Variants in DBH observed in about 807,000 individuals in gnomAD.
DBH encodes the protein dopamine beta-hydroxylase.
Under a neutral mutation model 64.0 loss-of-function variants are expected in DBH, and 49 were observed. The observed-to-expected ratio is 0.77, with a 90% CI of 0.61 to 0.97. DBH has a LOEUF of 0.97. Ranked by LOEUF, DBH falls within the 50% of genes least tolerant of loss-of-function variation. DBH has a pLI of 0.00. For synonymous variants in DBH, 343 were observed against 347.1 expected (o/e 0.99, Z 0.13); for missense variants, 828 against 826.6 (o/e 1.00, Z -0.02).
intron 7 of DBH, 72 bp from the exon 8 acceptor site, chr9:133,652,174 C>A: frequency 1.9e-6 from 3 of 1,576,330 alleles, no homozygotes; most frequent in Non-Finnish European, 2.6e-6. Context: ...AGGGAGGACA[C>A]AGTGGCCGGG....
Position 133,651,722 on chromosome 9 carries a change from A to G in DBH, c.1280A>G (p.Asp427Gly), listed in dbSNP as rs1192636070. Residue 427 changes from aspartate to glycine, a missense_variant, in exon 7 of 12, where the codon GAC becomes GGC. By Grantham distance (94) the Asp-to-Gly change is moderately conservative. Coordinates refer to ENST00000393056, the MANE Select transcript of DBH (RefSeq NM_000787.4). The stretch of plus-strand genomic sequence containing the variant: ...AAGGTGGTCACAGTGCTGGTCCGGG[A>G]CGGCCGGGAGTGGGAGATCGTGAAC... ...GRKVVTVLVR[D>G]GREWEIVNQD... 6.2e-7 allele frequency: 1 copy of G among 1,613,884 alleles called. No individual in the cohort carries two copies. Among genetic ancestry groups the G allele is most frequent in the Non-Finnish European group, 8.5e-7 (1 of 1,179,994 alleles).
rs1832368444 is a variant in DBH at position 133,658,627 on chromosome 9, A to G, written c.*180A>G. 3 of 702,150 alleles carry G rather than the reference A, an allele frequency of 4.3e-6. No individual in the cohort carries two copies. The highest frequency in any genetic ancestry group is 2.9e-5 in the East Asian group (1 of 34,548). 43.5% of individuals were successfully genotyped at this position (702,150 alleles called of 1,614,324 possible). A position where few individuals can be genotyped will look rare whatever the true frequency, so the allele number is the denominator to read the frequency against. ...GCCTTCTTCCCCCAGGGTCCCCTGC[A>G]TGGCTGAGAGGGTGTGGGTGCCCTG... On this transcript the variant is annotated 3_prime_UTR_variant, in exon 12 of 12. Transcript: ENST00000393056.
chr9:133,640,048 A>G, intron 2 of DBH, 56 bp downstream of exon 2: 1 of 1,598,288 alleles, frequency 6.3e-7, no homozygotes, highest in Non-Finnish European at 8.6e-7. Flanking sequence ...TCATGCTGCC[A>G]TCCTGTGCCA....
chr9:133,636,435 T>A lies in DBH; in HGVS notation c.64T>A (p.Tyr22Asn). 6.2e-7 allele frequency: 1 copy of A among 1,612,978 alleles called. No homozygotes were observed. The highest frequency in any genetic ancestry group is 2.2e-5 in the East Asian group (1 of 44,864). Residue 22 changes from tyrosine (Y) to asparagine (N), a missense_variant, in exon 1 of 12, where the codon TAC (tyrosine) becomes AAC (asparagine). Coordinates refer to ENST00000393056, the MANE Select transcript of DBH (RefSeq NM_000787.4). ...CAGCATGCGGGAGGCAGCCTTCATG[T>A]ACAGCACAGCAGTGGCCATCTTCCT... Reference protein sequence around the residue: ...GPSMREAAFMYSTAVAIFLVI... With the variant: ...GPSMREAAFMNSTAVAIFLVI...
At position 133,636,377 on chromosome 9, in the gene DBH, C is replaced by A. The variant is rs199920333; in HGVS notation, c.6C>A (p.Pro2=). The A allele has an allele frequency of 6.2e-7, 1 of 1,608,710 alleles. No individual in the cohort carries two copies. Residue 2 remains proline, a synonymous_variant, in exon 1 of 12, where the codon CCC becomes CCA. Coordinates refer to ENST00000393056, the MANE Select transcript of DBH (RefSeq NM_000787.4). Reference sequence around the variant, plus strand: ...CCAGAGAGCTCACCCCAGCCATGCCCGCCCTCAGTCGCTGGGCCAGCCTGC... The same window carrying A: ...CCAGAGAGCTCACCCCAGCCATGCCAGCCCTCAGTCGCTGGGCCAGCCTGC... The part of the protein sequence containing the change: M[P]ALSRWASLPG...
chr9:133,651,915 C>T, intron 7 of DBH, 138 bp downstream of exon 7: 1 of 895,464 alleles, frequency 1.1e-6, no homozygotes, highest in South Asian at 1.6e-5. Flanking sequence ...CCGCCCCCCA[C>T]CCATGTGGCC....
rs764986020 is a variant in DBH, at chr9:133,651,743, T to G, written c.1301T>G (p.Val434Gly). 6.2e-7 allele frequency: 1 copy of G among 1,613,192 alleles called. No homozygotes were observed. Among genetic ancestry groups the G allele is most frequent in the South Asian group, 1.1e-5 (1 of 90,986 alleles). Reference sequence around the variant, plus strand: ...CGGGACGGCCGGGAGTGGGAGATCGTGAACCAGGACAATCACTACAGCCCT... The same window carrying G: ...CGGGACGGCCGGGAGTGGGAGATCGGGAACCAGGACAATCACTACAGCCCT... ...LVRDGREWEIVNQDNHYSPHF... is the reference protein window; with the variant it reads ...LVRDGREWEIGNQDNHYSPHF... The change falls in exon 7 of 12, where the codon GTG becomes GGG. Residue 434 changes from valine (V) to glycine (G), a missense_variant. Val to Gly is a moderately radical substitution (Grantham distance 109, BLOSUM62 -3). Transcript: ENST00000393056.
chr9:133,658,244 G>T, intron 11 of DBH, 72 bp from the exon 12 acceptor site: 18 of 1,582,866 alleles, frequency 1.1e-5, no homozygotes, highest in Non-Finnish European at 1.6e-5. Context: ...AGGTGGCTGG[G>T]AAGTGGCTGG....
At position 133,658,375 on chromosome 9, in the gene DBH, A is replaced by C. The variant is rs1023167710; in HGVS notation, c.1782A>C (p.Pro594=). The C allele has an allele frequency of 1.2e-6, 2 of 1,613,618 alleles. No homozygotes were observed. Among genetic ancestry groups the C allele is most frequent in the African/African-American group, 1.3e-5 (1 of 74,860 alleles). Residue 594 remains proline, a synonymous_variant, in exon 12 of 12, where the codon CCA becomes CCC. Coordinates refer to ENST00000393056, the MANE Select transcript of DBH (RefSeq NM_000787.4). The part of the protein sequence containing the change: ...KVISTLEEPT[P]QCPTSQGRSP... ...TCTCCACACTGGAAGAGCCCACCCCACAGTGCCCCACCAGCCAGGGCCGAA... is the reference window on the plus strand; with the variant it reads ...TCTCCACACTGGAAGAGCCCACCCCCCAGTGCCCCACCAGCCAGGGCCGAA...
In DBH at chr9:133,658,380, G is replaced by T; in HGVS notation, c.1787G>T (p.Cys596Phe). 1 of 1,613,816 alleles carries T rather than the reference G, an allele frequency of 6.2e-7. No homozygotes were observed. The highest frequency in any genetic ancestry group is 8.5e-7 in the Non-Finnish European group (1 of 1,179,856). The change falls in exon 12 of 12, where the codon TGC (cysteine) becomes TTC (phenylalanine). Residue 596 changes from cysteine to phenylalanine, a missense_variant. By Grantham distance (205) the Cys-to-Phe change is radical (BLOSUM62 -2). Transcript: ENST00000393056. ...ISTLEEPTPQCPTSQGRSPAG... is the reference protein window; with the variant it reads ...ISTLEEPTPQFPTSQGRSPAG... Reference sequence around the variant, plus strand: ...ACACTGGAAGAGCCCACCCCACAGTGCCCCACCAGCCAGGGCCGAAGCCCT... The same window carrying T: ...ACACTGGAAGAGCCCACCCCACAGTTCCCCACCAGCCAGGGCCGAAGCCCT...
At chr9:133,646,318 C>T (rs1832180450) in intron 5 of DBH, among the ~76,000 whole-genome samples, 1 of 119,234 alleles carries the variant, frequency 8.4e-6, no homozygotes, top group Non-Finnish European at 1.8e-5. Flanking sequence ...CCCCTCCAGA[C>T]CACCCCGCCA....
chr9:133,653,804 C>T (rs760585048), intron 9 of DBH, among the ~76,000 whole-genome samples: 4 of 152,248 alleles, frequency 2.6e-5, no homozygotes, highest in Non-Finnish European at 4.4e-5. Context: ...AGCGGGGCTG[C>T]TTCCGGGAGC....
intron 5 of DBH, among the ~76,000 whole-genome samples, chr9:133,644,804 C>G (rs943915584): frequency 2.0e-5 from 3 of 152,148 alleles, no homozygotes; most frequent in Non-Finnish European, 4.4e-5. Context: ...GTTGGATCAC[C>G]CATACCTGAG....
In DBH at chr9:133,658,337, C is replaced by T. The variant is rs750330512; in HGVS notation, c.1744C>T (p.Leu582=). The T allele has an allele frequency of 1.9e-6, 3 of 1,613,952 alleles. No homozygotes were observed. In the South Asian group the frequency reaches 3.3e-5, roughly 18 times the overall value. Residue 582 remains leucine, a synonymous_variant, in exon 12 of 12, where the codon CTG becomes TTG. Coordinates refer to ENST00000393056, the MANE Select transcript of DBH (RefSeq NM_000787.4). ...RFQGEWNLQP[L]PKVISTLEEP... Reference sequence around the variant, plus strand: ...GCAGGGTGAATGGAACCTGCAGCCCCTGCCCAAGGTCATCTCCACACTGGA... The same window carrying T: ...GCAGGGTGAATGGAACCTGCAGCCCTTGCCCAAGGTCATCTCCACACTGGA...
Position 133,652,275 on chromosome 9 carries a change from G to C in DBH, c.1365G>C (p.Ser455=). The C allele has an allele frequency of 6.2e-7, 1 of 1,613,504 alleles. No homozygotes were observed. The highest frequency in any genetic ancestry group is 8.5e-7 in the Non-Finnish European group (1 of 1,180,032). The stretch of plus-strand genomic sequence containing the variant: ...TCCGCATGTTGAAGAAGGTCGTGTC[G>C]GTCCATCCGGTGAGTGCCCAGCGGG... ...QEIRMLKKVV[S]VHPGDVLITS... The change falls in exon 8 of 12, where the codon TCG becomes TCC. Residue 455 remains serine, a synonymous_variant. Coordinates refer to ENST00000393056, the MANE Select transcript of DBH (RefSeq NM_000787.4).
rs147292866 is a variant in DBH, at chr9:133,658,398, G to A, written c.1805G>A (p.Arg602Gln). Reference sequence around the variant, plus strand: ...CCACAGTGCCCCACCAGCCAGGGCCGAAGCCCTGCTGGCCCCACCGTTGTC... The same window carrying A: ...CCACAGTGCCCCACCAGCCAGGGCCAAAGCCCTGCTGGCCCCACCGTTGTC... ...PTPQCPTSQG[R>Q]SPAGPTVVSI... Residue 602 changes from arginine to glutamine, a missense_variant, in exon 12 of 12, where the codon CGA (arginine) becomes CAA (glutamine). Transcript: ENST00000393056. The A allele has an allele frequency of 2.8e-5, 45 of 1,613,564 alleles. No individual in the cohort carries two copies. Among genetic ancestry groups the A allele is most frequent in the African/African-American group, 6.7e-5 (5 of 74,896 alleles).
chr9:133,642,064 G>T (rs1832122050), intron 2 of DBH, 143 bp from the exon 3 acceptor site: 2 of 1,183,836 alleles, frequency 1.7e-6, no homozygotes, highest in African/African-American at 1.5e-5. Context: ...GGCCATGCAA[G>T]CCTCAAGGGT....
In DBH at chr9:133,643,916, G is replaced by A; in HGVS notation, c.922-302G>A. 6.6e-6 allele frequency among the ~76,000 whole-genome samples: 1 copy of A among 152,136 alleles called. No individual in the cohort carries two copies. The highest frequency in any genetic ancestry group is 1.5e-5 in the Non-Finnish European group (1 of 68,004). ...GGCTGGCGGTGGGGCCAGTGTTGAG[G>A]CCTCCACAGGCTGAGACGATGGGGG... On this transcript the variant is annotated intron_variant, in intron 4 of 11. Coordinates refer to ENST00000393056, the MANE Select transcript of DBH (RefSeq NM_000787.4). The surrounding 1 kb of genome is among the most constrained non-coding windows in gnomAD (Gnocchi z 5.3).
intron 9 of DBH, 98 bp from the exon 10 acceptor site, chr9:133,656,425 C>A: frequency 1.9e-6 from 3 of 1,539,054 alleles, no homozygotes; most frequent in Non-Finnish European, 2.7e-6. Flanking sequence ...AGTGAACAGA[C>A]GAGTGGACGC....
Sources: allele counts gnomAD v4.1 joint callset (sites outside exome capture counted in the v4.1 genomes callset), GRCh38; gene constraint gnomAD v4.1.1; non-coding constraint Gnocchi (gnomAD v3.1); transcripts MANE v1.5; gene names NCBI Gene and HGNC (gene_info 2026-07-23, HGNC 2026-07-21).